DSCAM: variants seen among roughly 807,000 people sequenced by gnomAD.
DSCAM encodes DS cell adhesion molecule.
In DSCAM, 47 loss-of-function variants were observed where a neutral mutation model predicts 217.7. The ratio of observed to expected loss-of-function variants is 0.22; its 90% CI spans 0.17 to 0.28. DSCAM has a LOEUF of 0.28. Ranked by LOEUF, DSCAM falls within the 10% of genes least tolerant of loss-of-function variation. The pLI, the probability that DSCAM is intolerant of heterozygous loss-of-function variation, is 1.00. For missense variants in DSCAM, 2,080 were observed against 2,618.3 expected (o/e 0.79, Z 4.49); for synonymous variants, 1,056 against 1,015.3 (o/e 1.04, Z -0.76).
At chr21:40,342,648 A>ATATATATATTTT (rs61637421) in intron 6 of DSCAM, among the ~76,000 whole-genome samples, 3 of 80,324 alleles carry the variant, frequency 3.7e-5, no homozygotes, top group Admixed American at 1.7e-4. Context: ...ATATATATAT[A>ATATATATATTTT]TTTTTTTTTT....
chr21:40,437,475 C>T (rs1039736172), intron 3 of DSCAM, among the ~76,000 whole-genome samples: 1 of 152,054 alleles, frequency 6.6e-6, no homozygotes, highest in Non-Finnish European at 1.5e-5. Context: ...CCTGTGAGAC[C>T]AGCTTTATGA....
Position 40,055,816 on chromosome 21 carries a change from C to T in DSCAM, c.4944G>A (p.Thr1648=), listed in dbSNP as rs374386822. The stretch of plus-strand genomic sequence containing the variant: ...GCAGGGTCTGCTGTTGCTTGCTTAA[C>T]GTATCTGAAGTCCGGGTATTCTTAC... ...LMSKNTRTSD[T]LSKQQQTLRM... Residue 1648 remains threonine, a synonymous_variant, in exon 29 of 33, where the codon ACG becomes ACA. Transcript: ENST00000400454. The T allele has an allele frequency of 8.2e-5, 132 of 1,613,466 alleles. No homozygotes were observed. The highest frequency in any genetic ancestry group is 7.5e-5 in the Non-Finnish European group (89 of 1,179,564).
intron 30 of DSCAM, among the ~76,000 whole-genome samples, chr21:40,049,272 C>CTGTT (rs1388286554): frequency 2.6e-5 from 4 of 152,334 alleles, no homozygotes; most frequent in African/African-American, 9.6e-5. Context: ...ATGAGGACAG[C>CTGTT]TGTTTCTCTG....
intron 3 of DSCAM, among the ~76,000 whole-genome samples, chr21:40,681,128 G>A (rs1157132119): frequency 1.3e-5 from 2 of 152,228 alleles, no homozygotes; most frequent in African/African-American, 4.8e-5. Flanking sequence ...AAACTGATGA[G>A]TCGTTTGTCC....
intron 32 of DSCAM, among the ~76,000 whole-genome samples, chr21:40,041,464 G>T (rs1039654858): frequency 2.0e-5 from 3 of 151,272 alleles, no homozygotes; most frequent in African/African-American, 4.9e-5. Flanking sequence ...AAGTTTTCCG[G>T]CTTCTCTTAA....
chr21:40,471,090 A>G (rs1035586121), intron 3 of DSCAM, among the ~76,000 whole-genome samples: 2 of 152,188 alleles, frequency 1.3e-5, no homozygotes, highest in Admixed American at 6.5e-5. Context: ...GGATAAAAAC[A>G]TAAGTGGTAA....
At chr21:40,110,761 G>A (rs1422435038) in intron 20 of DSCAM, among the ~76,000 whole-genome samples, 1 of 152,218 alleles carries the variant, frequency 6.6e-6, no homozygotes, top group Non-Finnish European at 1.5e-5. Flanking sequence ...AGAACTACGT[G>A]ACGAATGCAC....
chr21:40,481,530 CAAAAAAAAAAAA>C (rs34586895), intron 3 of DSCAM, among the ~76,000 whole-genome samples: 24 of 60,510 alleles, frequency 4.0e-4, no homozygotes, highest in Admixed American at 2.2e-4. Context: ...ACTCTGTCTC[CAAAAAAAAAAAA>C]AAAAAAAAAA....
chr21:40,602,073 T>TTTTTTTG (rs2077066368), intron 3 of DSCAM, among the ~76,000 whole-genome samples: 1 of 146,542 alleles, frequency 6.8e-6, no homozygotes, highest in African/African-American at 2.5e-5. Context: ...TTTTTTTTTT[T>TTTTTTTG]TTTTTGAGAT....
At chr21:40,738,598 G>A (rs1025250428) in intron 1 of DSCAM, among the ~76,000 whole-genome samples, 1 of 152,264 alleles carries the variant, frequency 6.6e-6, no homozygotes, top group Non-Finnish European at 1.5e-5. Context: ...CTCTATCCCA[G>A]TGTTTTTCAA....
intron 11 of DSCAM, among the ~76,000 whole-genome samples, chr21:40,270,328 C>T (rs2073598415): frequency 6.6e-6 from 1 of 152,212 alleles, no homozygotes; most frequent in Non-Finnish European, 1.5e-5. Context: ...GCGGGAGACT[C>T]CTTCCTTGGA....
intron 11 of DSCAM, among the ~76,000 whole-genome samples, chr21:40,249,805 CAGAAG>C (rs976666187): frequency 2.6e-5 from 4 of 152,064 alleles, no homozygotes; most frequent in East Asian, 1.9e-4. Context: ...TCCTTGCAGC[CAGAAG>C]AGAAGAGAAC....
intron 8 of DSCAM, among the ~76,000 whole-genome samples, chr21:40,322,975 T>A (rs149777736): frequency 2.1e-3 from 325 of 152,288 alleles, no homozygotes; most frequent in African/African-American, 7.6e-3. Flanking sequence ...TGGGGTGATG[T>A]CATCTGGAAG....
At chr21:40,581,049 G>T (rs777877329) in intron 3 of DSCAM, among the ~76,000 whole-genome samples, 1 of 152,180 alleles carries the variant, frequency 6.6e-6, no homozygotes, top group Admixed American at 6.5e-5. Context: ...TTTTTAAAAA[G>T]ACGAATAATA....
chr21:40,311,914 T>C (rs2074141448), intron 9 of DSCAM, among the ~76,000 whole-genome samples, 167 bp downstream of exon 9: 1 of 149,152 alleles, frequency 6.7e-6, no homozygotes, highest in Admixed American at 6.7e-5. Context: ...GGGGAATTCA[T>C]GGTTGGGTTT....
intron 11 of DSCAM, among the ~76,000 whole-genome samples, chr21:40,218,333 T>C (rs116599874): frequency 0.033 from 5,065 of 152,252 alleles, 124 homozygotes; most frequent in South Asian, 0.093. Flanking sequence ...GGGCTCTCTA[T>C]TGTGTTCCAT....
chr21:40,640,068 C>T (rs2089858882), intron 3 of DSCAM, among the ~76,000 whole-genome samples: 1 of 149,662 alleles, frequency 6.7e-6, no homozygotes, highest in Non-Finnish European at 1.5e-5. Context: ...TTAGATTGTG[C>T]TTCTACCAGA....
chr21:40,313,819 A>C (rs2074167134), intron 8 of DSCAM, among the ~76,000 whole-genome samples: 1 of 152,190 alleles, frequency 6.6e-6, no homozygotes, highest in Non-Finnish European at 1.5e-5. Context: ...GGGCTTGGAA[A>C]TGACTAAGAG....
intron 12 of DSCAM, 36 bp from the exon 13 acceptor site, chr21:40,188,023 G>C: frequency 6.4e-7 from 1 of 1,557,174 alleles, no homozygotes; most frequent in Non-Finnish European, 8.8e-7. Context: ...ATCTTTTTCA[G>C]TAGGCAAAAT....
Sources: allele counts gnomAD v4.1 joint callset (sites outside exome capture counted in the v4.1 genomes callset), GRCh38; gene constraint gnomAD v4.1.1; transcripts MANE v1.5; gene names NCBI Gene and HGNC (gene_info 2026-07-23, HGNC 2026-07-21).